CIROP: variants seen among roughly 807,000 people sequenced by gnomAD.
CIROP encodes ciliated left-right organizer metallopeptidase.
the CIROP span, chr14:23,101,889 C>A: frequency 1.4e-6 from 1 of 702,436 alleles, no homozygotes; most frequent in South Asian, 1.5e-5. Flanking sequence ...ATGTGGTCAC[C>A]AAGCCAAATT....
At chr14:23,104,723 G>A in the CIROP span, 1 of 703,036 alleles carries the variant, frequency 1.4e-6, no homozygotes, top group Non-Finnish European at 2.6e-6. Flanking sequence ...CTAGATAGCA[G>A]CTTTGGATTC....
At chr14:23,104,978 C>G in the CIROP span, 1 of 635,866 alleles carries the variant, frequency 1.6e-6, no homozygotes, top group South Asian at 1.8e-5. Context: ...TCCCCTTGTT[C>G]CCTGGCTCAC....
At chr14:23,102,673 C>G in the CIROP span, 2 of 702,924 alleles carry the variant, frequency 2.8e-6, no homozygotes, top group East Asian at 5.4e-5. Flanking sequence ...GAAGAGCTGT[C>G]CAGAGAAACC....
chr14:23,101,689 A>G, the CIROP span: 8 of 702,896 alleles, frequency 1.1e-5, no homozygotes, highest in South Asian at 8.9e-5. Context: ...AAGGGCTTGT[A>G]CATGCGGCAG....
At chr14:23,103,276 T>G in the CIROP span, 1 of 401,830 alleles carries the variant, frequency 2.5e-6, no homozygotes, top group Non-Finnish European at 4.4e-6. Flanking sequence ...TGGCTGGGCA[T>G]GGTGGCTCAC....
the CIROP span, chr14:23,101,287 C>T: frequency 1.2e-5 from 6 of 486,942 alleles, no homozygotes; most frequent in Non-Finnish European, 1.4e-5. Context: ...TCTTATGGTA[C>T]CCACCTGTAT....
At chr14:23,099,296 T>G in the CIROP span, 1 of 413,442 alleles carries the variant, frequency 2.4e-6, no homozygotes, top group Non-Finnish European at 4.4e-6. Flanking sequence ...ACCTCCCTTA[T>G]TCCTCTAACT....
the CIROP span, chr14:23,104,794 G>A: frequency 1.4e-6 from 1 of 702,948 alleles, no homozygotes; most frequent in Admixed American, 2.0e-5. Flanking sequence ...GATTTTGAGG[G>A]GAGTTGGGAG....
the CIROP span, chr14:23,100,149 G>A: frequency 1.4e-3 from 259 of 179,422 alleles, no homozygotes; most frequent in African/African-American, 5.5e-3. Flanking sequence ...AGCTACTTGG[G>A]AAGCTGAGGT....
At chr14:23,102,257 G>A in the CIROP span, 1 of 702,890 alleles carries the variant, frequency 1.4e-6, no homozygotes, top group East Asian at 2.7e-5. Context: ...TGCGAGGACA[G>A]AAGGCCCTCC....
chr14:23,101,856 G>T, the CIROP span: 9 of 702,678 alleles, frequency 1.3e-5, no homozygotes, highest in African/African-American at 3.5e-5. Flanking sequence ...CAGTACAGAA[G>T]AAGTCTGAGG....
chr14:23,102,828 C>A, the CIROP span: 1 of 658,832 alleles, frequency 1.5e-6, no homozygotes. Context: ...CCTTCTATTC[C>A]ATCCTCTGTG....
the CIROP span, chr14:23,102,953 G>A: frequency 2.5e-5 from 15 of 597,556 alleles, no homozygotes; most frequent in Non-Finnish European, 4.5e-5. Flanking sequence ...GGCTGAGGCT[G>A]GGGCTGGTGA....
chr14:23,104,715 A>G, the CIROP span: 1 of 702,908 alleles, frequency 1.4e-6, no homozygotes, highest in Admixed American at 2.0e-5. Context: ...ATGATCTCCT[A>G]GATAGCAGCT....
chr14:23,101,540 C>T, the CIROP span: 6 of 655,228 alleles, frequency 9.2e-6, no homozygotes, highest in East Asian at 8.1e-5. Flanking sequence ...GCAGGGAATC[C>T]GTTTTCCTTC....
chr14:23,103,979 A>T, the CIROP span, among the ~76,000 whole-genome samples: 1 of 152,190 alleles, frequency 6.6e-6, no homozygotes, highest in African/African-American at 2.4e-5. Context: ...CTGATTTAAT[A>T]AATTTTAGCA....
the CIROP span, chr14:23,104,402 A>G: frequency 4.6e-4 from 325 of 702,976 alleles, 1 homozygote; most frequent in Non-Finnish European, 7.4e-4. Context: ...AGTTTGGGCT[A>G]TCTGGGTCTC....
At chr14:23,099,557 CT>C in the CIROP span, 35,691 of 303,104 alleles carry the variant, frequency 0.12, 318 homozygotes, top group Middle Eastern at 0.17. Flanking sequence ...GCGGCATTAC[CT>C]TTTTTTTTTT....
chr14:23,100,395 A>G, the CIROP span: 1 of 412,350 alleles, frequency 2.4e-6, no homozygotes, highest in Non-Finnish European at 4.4e-6. Context: ...GTTCTCTGAA[A>G]CGCAACCCTG....
Sources: gnomAD v4.1 joint callset for allele counts (sites outside exome capture counted in the v4.1 genomes callset) on GRCh38, gnomAD v4.1.1 for gene constraint, MANE v1.5 for transcripts, NCBI Gene and HGNC (gene_info 2026-07-23, HGNC 2026-07-21) for gene names.